LRP1B: variants seen among roughly 807,000 people sequenced by gnomAD.
LRP1B encodes LDL receptor related protein 1B.
LRP1B carries 217 observed loss-of-function variants against 556.6 expected under a neutral mutation model. The observed-to-expected ratio is 0.39, with a 90% CI of 0.35 to 0.44. The LOEUF (loss-of-function observed/expected upper bound fraction) is 0.44, where lower values mean the gene tolerates loss of function less well. Ranked by LOEUF, LRP1B falls within the 20% of genes least tolerant of loss-of-function variation. LRP1B has a pLI of 1.00. For missense variants in LRP1B, 5,053 were observed against 5,620.8 expected, an observed-to-expected ratio of 0.90 and a Z score of 3.23; for synonymous variants, 2,047 against 1,865.8, an observed-to-expected ratio of 1.10 and a Z score of -2.50.
At chr2:141,029,729 A>G (rs1164727411) in intron 11 of LRP1B, among the ~76,000 whole-genome samples, 1 of 152,048 alleles carries the variant, frequency 6.6e-6, no homozygotes, top group Non-Finnish European at 1.5e-5. Context: ...TGAGCAATAA[A>G]CTTCCTAAGT....
chr2:141,001,155 A>G (rs568879286), intron 15 of LRP1B, among the ~76,000 whole-genome samples: 2 of 152,164 alleles, frequency 1.3e-5, no homozygotes, highest in South Asian at 4.1e-4. Flanking sequence ...ACAAACATAA[A>G]AACTTATCAG....
chr2:141,850,622 C>CTCTGTGTGTG (rs1697817257), intron 1 of LRP1B, among the ~76,000 whole-genome samples: 1 of 141,102 alleles, frequency 7.1e-6, no homozygotes, highest in Admixed American at 7.3e-5. Context: ...AGCATAAACT[C>CTCTGTGTGTG]TGTGTGTGTG....
At chr2:140,316,412 C>T (rs1179217201) in intron 82 of LRP1B, among the ~76,000 whole-genome samples, 2 of 152,082 alleles carry the variant, frequency 1.3e-5, no homozygotes, top group Non-Finnish European at 2.9e-5. Flanking sequence ...AGTATCATGT[C>T]CACTGTCATA....
intron 49 of LRP1B, among the ~76,000 whole-genome samples, chr2:140,520,466 G>A (rs932169939): frequency 6.6e-6 from 1 of 152,006 alleles, no homozygotes; most frequent in East Asian, 1.9e-4. Flanking sequence ...GGGGTTGGGG[G>A]ATGAGGGAGG....
At chr2:140,837,381 A>T (rs1691942283) in intron 31 of LRP1B, among the ~76,000 whole-genome samples, 1 of 152,152 alleles carries the variant, frequency 6.6e-6, no homozygotes, top group African/African-American at 2.4e-5. Context: ...AAAATCCGAT[A>T]CTCAATAAAA....
At chr2:140,714,621 G>C (rs1687147286) in intron 37 of LRP1B, among the ~76,000 whole-genome samples, 1 of 152,098 alleles carries the variant, frequency 6.6e-6, no homozygotes, top group African/African-American at 2.4e-5. Context: ...TTCTTTATTA[G>C]AAACAAACTA....
chr2:140,661,094 A>G (rs1045229834), intron 41 of LRP1B, among the ~76,000 whole-genome samples: 2 of 152,098 alleles, frequency 1.3e-5, no homozygotes, highest in Admixed American at 1.3e-4. Context: ...TATGCCAAAG[A>G]TATTAAATTA....
At chr2:141,206,131 TCA>T (rs10556736) in intron 6 of LRP1B, among the ~76,000 whole-genome samples, 55,747 of 149,202 alleles carry the variant, frequency 0.37, 10,662 homozygotes, top group African/African-American at 0.48. Flanking sequence ...AGTGTACTAT[TCA>T]CACACACACA....
At chr2:141,154,747 T>C (rs992845257) in intron 7 of LRP1B, among the ~76,000 whole-genome samples, 1 of 151,954 alleles carries the variant, frequency 6.6e-6, no homozygotes, top group South Asian at 2.1e-4. Context: ...CACTAATTCT[T>C]ATCTGTTACT....
intron 41 of LRP1B, among the ~76,000 whole-genome samples, chr2:140,699,419 A>G (rs1249253594): frequency 6.6e-6 from 1 of 151,966 alleles, no homozygotes; most frequent in Non-Finnish European, 1.5e-5. Context: ...AGTAAATAGG[A>G]CTGATGGTTG....
intron 2 of LRP1B, among the ~76,000 whole-genome samples, chr2:141,804,688 T>C (rs2164699): frequency 0.2 from 29,769 of 151,794 alleles, 3,319 homozygotes; most frequent in East Asian, 0.39. Context: ...AGATGCATCA[T>C]TGGTGCTCTG....
chr2:140,419,028 C>G (rs1028943864), intron 66 of LRP1B, among the ~76,000 whole-genome samples: 2 of 152,150 alleles, frequency 1.3e-5, no homozygotes, highest in African/African-American at 4.8e-5. Flanking sequence ...AAAACACAGA[C>G]ATGCCTGACA....
chr2:141,881,161 A>G (rs1332067361), intron 1 of LRP1B, among the ~76,000 whole-genome samples: 1 of 152,142 alleles, frequency 6.6e-6, no homozygotes, highest in Non-Finnish European at 1.5e-5. Flanking sequence ...TCCAAAAAAG[A>G]AAATAAATAT....
chr2:141,450,575 TA>T (rs963112187), intron 3 of LRP1B, among the ~76,000 whole-genome samples: 228 of 150,094 alleles, frequency 1.5e-3, no homozygotes, highest in African/African-American at 5.2e-3. Flanking sequence ...TGCCATATTT[TA>T]AAAAAAAATA....
intron 11 of LRP1B, among the ~76,000 whole-genome samples, chr2:141,033,638 C>T (rs1057167252): frequency 6.6e-6 from 1 of 151,872 alleles, no homozygotes; most frequent in African/African-American, 2.4e-5. Flanking sequence ...TAGATGAGGT[C>T]ATGAGAGTAA....
At chr2:140,955,962 C>T (rs1695859934) in intron 18 of LRP1B, among the ~76,000 whole-genome samples, 2 of 151,660 alleles carry the variant, frequency 1.3e-5, no homozygotes, top group African/African-American at 2.4e-5. Context: ...TCATGTAACA[C>T]ATGAGCTATA....
chr2:141,613,493 A>T (rs1336706486), intron 2 of LRP1B, among the ~76,000 whole-genome samples: 1 of 152,116 alleles, frequency 6.6e-6, no homozygotes, highest in East Asian at 1.9e-4. Flanking sequence ...TGGATTTGAG[A>T]TATAGATTTT....
chr2:141,405,976 A>G (rs1452490248), intron 3 of LRP1B, among the ~76,000 whole-genome samples: 1 of 152,102 alleles, frequency 6.6e-6, no homozygotes, highest in African/African-American at 2.4e-5. Context: ...ATTGTCAAAA[A>G]TGACCTCTTA....
intron 3 of LRP1B, among the ~76,000 whole-genome samples, chr2:141,331,769 T>C (rs925262832): frequency 6.6e-6 from 1 of 152,110 alleles, no homozygotes; most frequent in African/African-American, 2.4e-5. Flanking sequence ...TATTGAAGAA[T>C]ATAAATAAAT....
Sources: allele counts gnomAD v4.1 joint callset (sites outside exome capture counted in the v4.1 genomes callset), GRCh38; gene constraint gnomAD v4.1.1; transcripts MANE v1.5; gene names NCBI Gene and HGNC (gene_info 2026-07-23, HGNC 2026-07-21).